The following DEGS2 variants were observed in gnomAD, a reference collection of about 807,000 sequenced individuals.
The protein encoded by DEGS2 is sphingolipid delta(4)-desaturase/C4-monooxygenase DES2.
A neutral mutation model predicts 23.8 loss-of-function variants in DEGS2; 19 were observed. That is an observed-to-expected ratio of 0.80 (90% CI 0.56 to 1.17). DEGS2 has a LOEUF of 1.17. DEGS2 is among the 50% of genes most tolerant of loss of function. The pLI is 0.00. For missense variants in DEGS2, 390 were observed against 459.5 expected, an observed-to-expected ratio of 0.85 and a Z score of 1.38; for synonymous variants, 218 against 213.7, an observed-to-expected ratio of 1.02 and a Z score of -0.18.
chr14:100,163,824 A>G (rs372618968), upstream of DEGS2, among the ~76,000 whole-genome samples: 11 of 152,096 alleles, frequency 7.2e-5, no homozygotes, highest in African/African-American at 2.7e-4. Context: ...GGCTCAGGTG[A>G]TCCTCCTACC....
intron 1 of DEGS2, among the ~76,000 whole-genome samples, chr14:100,158,087 A>AG: frequency 1.1e-4 from 1 of 9,110 alleles, no homozygotes; most frequent in Non-Finnish European, 2.0e-4. Context: ...ACTTCCTCTC[A>AG]AAAAAAAAAA....
chr14:100,165,821 G>A, the DEGS2 span, among the ~76,000 whole-genome samples: 1 of 148,818 alleles, frequency 6.7e-6, no homozygotes, highest in African/African-American at 2.5e-5. Context: ...CAGAGCTGCT[G>A]TTTGGGGGGC....
Position 100,144,673 on chromosome 14 carries a change from C to T in DEGS2, c.*2088G>A, listed in dbSNP as rs927873063. ...TGGCCTGCAATGGGCTGTCCCAGGC[C>T]CCTGCCCTGAGGCAGCAGCCAGAGA... On this transcript the variant is annotated 3_prime_UTR_variant, in exon 3 of 3. Coordinates refer to ENST00000305631, the MANE Select transcript of DEGS2 (RefSeq NM_206918.3). The T allele has an allele frequency of 1.3e-5, 2 of 152,302 alleles. No homozygotes were observed. Among genetic ancestry groups the T allele is most frequent in the African/African-American group, 4.8e-5 (2 of 41,470 alleles). 9.4% of individuals were successfully genotyped at this position (152,302 alleles called of 1,614,324 possible).
intron 2 of DEGS2, 105 bp from the exon 3 acceptor site, chr14:100,147,012 T>C (rs1889459918): frequency 1.5e-6 from 2 of 1,367,266 alleles, no homozygotes; most frequent in South Asian, 2.7e-5. Context: ...CACATGCATA[T>C]TCATGTACGA....
upstream of DEGS2, among the ~76,000 whole-genome samples, chr14:100,161,661 G>A (rs967936272): frequency 3.3e-5 from 5 of 152,126 alleles, no homozygotes; most frequent in African/African-American, 1.2e-4. Context: ...TCCATCAAAG[G>A]CAACAAATGC....
intron 2 of DEGS2, 73 bp downstream of exon 2, chr14:100,148,875 CTGGGCATGGCCCAAGGCCCT>C: frequency 7.1e-7 from 1 of 1,408,852 alleles, no homozygotes; most frequent in Non-Finnish European, 9.6e-7. Context: ...GGAGAGGCTG[CTGGGCATGGCCCAAGGCCCT>C]TCCAGGGCCC....
chr14:100,163,866 C>T (rs577584334), upstream of DEGS2, among the ~76,000 whole-genome samples: 6 of 152,188 alleles, frequency 3.9e-5, no homozygotes, highest in Admixed American at 1.3e-4. Flanking sequence ...ACTATAGGTG[C>T]GCCCACCACA....
Position 100,157,944 on chromosome 14 carries a change from G to A in DEGS2, c.82+1562C>T, listed in dbSNP as rs540613466. Among the ~76,000 whole-genome samples, 7 of 152,006 alleles carry A rather than the reference G, an allele frequency of 4.6e-5. No individual in the cohort carries two copies. The East Asian group carries it at 9.7e-4, about 21-fold the overall frequency. The stretch of plus-strand genomic sequence containing the variant: ...CTCTACTACAAATACAAAATTAGCC[G>A]GGTGTGGTGGCGGGTGCCTGTAATC... On this transcript the variant is annotated intron_variant, in intron 1 of 2. Coordinates refer to ENST00000305631, the MANE Select transcript of DEGS2 (RefSeq NM_206918.3).
chr14:100,146,957 C>A, intron 2 of DEGS2, 50 bp from the exon 3 acceptor site: 1 of 1,581,352 alleles, frequency 6.3e-7, no homozygotes, highest in Non-Finnish European at 8.6e-7. Context: ...CGGGGCCGCA[C>A]CCGCGAGCAC....
chr14:100,158,531 CTAAA>C (rs1406105880), intron 1 of DEGS2, among the ~76,000 whole-genome samples: 1 of 151,928 alleles, frequency 6.6e-6, no homozygotes, highest in Non-Finnish European at 1.5e-5. Context: ...GACTCTGTCT[CTAAA>C]TAAATAAATT....
At chr14:100,165,357 C>T in the DEGS2 span, among the ~76,000 whole-genome samples, 1 of 152,270 alleles carries the variant, frequency 6.6e-6, no homozygotes, top group Admixed American at 6.5e-5. Flanking sequence ...CCTCTCCTCC[C>T]CCTGACTTCA....
At chr14:100,153,430 G>C (rs1889609184) in intron 1 of DEGS2, among the ~76,000 whole-genome samples, 1 of 152,218 alleles carries the variant, frequency 6.6e-6, no homozygotes, top group Non-Finnish European at 1.5e-5. Context: ...TGGGGAGTGG[G>C]AGTCAATGGG....
rs747305180 is a variant in DEGS2 at position 100,149,709 on chromosome 14, G to C, written c.84C>G (p.Ala28=). 2 of 1,595,786 alleles carry C rather than the reference G, an allele frequency of 1.3e-6. No individual in the cohort carries two copies. Among genetic ancestry groups the C allele is most frequent in the East Asian group, 4.5e-5 (2 of 44,602 alleles). Residue 28 remains alanine (A), a splice_region_variant and synonymous_variant, in exon 2 of 3, where the codon GCC becomes GCG. Transcript: ENST00000305631. ...PHTQRRKEIL[A]KYPAIKALMR... is the part of the protein sequence containing the mutation. ...TCAGGGCCTTGATGGCCGGGTACTT[G>C]GCTGCAAGGAAGACAGGGAGGTATG...
intron 2 of DEGS2, among the ~76,000 whole-genome samples, chr14:100,147,653 T>TCCTTCC: frequency 1.5e-5 from 1 of 67,128 alleles, no homozygotes; most frequent in African/African-American, 5.0e-5. Context: ...AGGGATGCCC[T>TCCTTCC]CCCTGCCCCC....
chr14:100,166,113 G>A, the DEGS2 span, among the ~76,000 whole-genome samples: 1,828 of 31,318 alleles, frequency 0.058, 467 homozygotes, highest in African/African-American at 0.26. Context: ...GGGGTAGCCT[G>A]CCCGGGAGGG....
Position 100,149,430 on chromosome 14 carries a change from G to C in DEGS2, c.363C>G (p.Ala121=). ...CCACGTGGTACTTCTTGAAGGAGGC[G>C]GCGTAGGGCACACCCACGGGCAGGT... ...FANLPVGVPY[A]ASFKKYHVDH... Residue 121 remains alanine, a synonymous_variant, in exon 2 of 3, where the codon GCC becomes GCG. Coordinates refer to ENST00000305631, the MANE Select transcript of DEGS2 (RefSeq NM_206918.3). The C allele has an allele frequency of 6.3e-7, 1 of 1,598,144 alleles. No individual in the cohort carries two copies. Among genetic ancestry groups the C allele is most frequent in the Non-Finnish European group, 8.5e-7 (1 of 1,171,284 alleles).
upstream of DEGS2, chr14:100,159,678 G>T: frequency 1.5e-6 from 1 of 649,526 alleles, no homozygotes; most frequent in East Asian, 3.6e-5. Flanking sequence ...CTCTGATTAG[G>T]GCGGGGGCGG....
At chr14:100,162,192 A>C (rs1889756695), upstream of DEGS2, among the ~76,000 whole-genome samples, 1 of 147,908 alleles carries the variant, frequency 6.8e-6, no homozygotes, top group Admixed American at 6.7e-5. Flanking sequence ...CTAAAAATAC[A>C]AAAAAAATTA....
At chr14:100,164,260 T>A (rs991287819), upstream of DEGS2, among the ~76,000 whole-genome samples, 21 of 152,084 alleles carry the variant, frequency 1.4e-4, no homozygotes, top group African/African-American at 5.1e-4. Context: ...CAGGGCCTCC[T>A]CTAGAATGCC....
Sources: gnomAD v4.1 joint callset for allele counts (sites outside exome capture counted in the v4.1 genomes callset) on GRCh38, gnomAD v4.1.1 for gene constraint, MANE v1.5 for transcripts, NCBI Gene and HGNC (gene_info 2026-07-23, HGNC 2026-07-21) for gene names.